Variants in ATPAF1 observed in about 807,000 individuals in gnomAD.
The protein encoded by ATPAF1 is homolog of yeast ATP11.
In ATPAF1, 26 loss-of-function variants were observed where a neutral mutation model predicts 43.9. That is an observed-to-expected ratio of 0.59 (90% CI 0.43 to 0.82). The LOEUF (loss-of-function observed/expected upper bound fraction) is 0.82, where lower values mean the gene tolerates loss of function less well. Among genes scored for constraint, ATPAF1 ranks in the 40% least tolerant of loss-of-function variants. ATPAF1 has a pLI of 0.00. For synonymous variants in ATPAF1, 157 were observed against 168.0 expected (o/e 0.93, Z 0.50); for missense variants, 366 against 435.0 (o/e 0.84, Z 1.41).
At chr1:46,633,876 T>C (rs1037897639), downstream of ATPAF1, 1 of 454,088 alleles carries the variant, frequency 2.2e-6, no homozygotes, top group South Asian at 1.6e-5. Flanking sequence ...AACAACCCCA[T>C]CTGATGTCAA....
At chr1:46,668,425 A>G (rs996748225), upstream of ATPAF1, 3 of 1,107,764 alleles carry the variant, frequency 2.7e-6, no homozygotes, top group African/African-American at 5.1e-5. The surrounding 1 kb of genome is among the most constrained non-coding windows in gnomAD (Gnocchi z 4.4). Context: ...GCGCTCCGGC[A>G]CCGAGGTTCC....
intron 6 of ATPAF1, among the ~76,000 whole-genome samples, chr1:46,646,689 AG>A (rs1676050822): frequency 1.3e-5 from 2 of 152,170 alleles, no homozygotes; most frequent in Non-Finnish European, 2.9e-5. Flanking sequence ...TTTTTTTTAC[AG>A]CTTTATTGAG....
At chr1:46,654,558 A>ATTC (rs1314225547) in intron 4 of ATPAF1, among the ~76,000 whole-genome samples, 1 of 146,002 alleles carries the variant, frequency 6.8e-6, no homozygotes, top group South Asian at 2.2e-4. Flanking sequence ...TATTATTATT[A>ATTC]TTGTACTTTA....
chr1:46,653,804 C>A lies in ATPAF1; in HGVS notation c.540+13G>T, dbSNP rs1347434869. 1 of 1,604,048 alleles carries A rather than the reference C, an allele frequency of 6.2e-7. No individual in the cohort carries two copies. The highest frequency in any genetic ancestry group is 1.1e-5 in the South Asian group (1 of 88,694). On this transcript the variant is annotated intron_variant, in intron 5 of 8. Coordinates refer to ENST00000574428, the Ensembl canonical transcript of ATPAF1. This position sits in a 1 kb window ranked among gnomAD's most constrained non-coding sequence, Gnocchi z 4.8. Reference sequence around the variant, plus strand: ...TGTTGTAACACTTTCACTTTGCCCTCCAAACTACTTACAGGAATAACTGCG... The same window carrying A: ...TGTTGTAACACTTTCACTTTGCCCTACAAACTACTTACAGGAATAACTGCG...
intron 1 of ATPAF1, chr1:46,665,669 A>G (rs1321071705): frequency 6.5e-7 from 1 of 1,535,588 alleles, no homozygotes; most frequent in Non-Finnish European, 8.7e-7. Flanking sequence ...TAGAATTTTG[A>G]GGTCATCTTG....
intron 6 of ATPAF1, among the ~76,000 whole-genome samples, chr1:46,647,000 T>C (rs748981829): frequency 6.6e-6 from 1 of 152,226 alleles, no homozygotes; most frequent in Admixed American, 6.5e-5. Flanking sequence ...TCATGATCTA[T>C]CCATGTGTAG....
chr1:46,635,667 A>C, exon 9 of ATPAF1: 6 of 1,120,426 alleles, frequency 5.4e-6, no homozygotes. Context: ...AGGGCAACTC[A>C]TTACCAACTG....
At chr1:46,645,212 T>C (rs1676020078) in exon 7 of ATPAF1, 1 of 1,613,990 alleles carries the variant, frequency 6.2e-7, no homozygotes, top group African/African-American at 1.3e-5. Context: ...TCCATTGTCC[T>C]ACAAAAAACT....
chr1:46,654,527 A>T (rs867252024), intron 4 of ATPAF1, among the ~76,000 whole-genome samples: 2 of 85,190 alleles, frequency 2.3e-5, no homozygotes, highest in African/African-American at 8.0e-5. Context: ...TTATTTATTT[A>T]TTTATTATTA....
At chr1:46,644,717 T>G (rs891455647) in intron 7 of ATPAF1, among the ~76,000 whole-genome samples, 1 of 117,184 alleles carries the variant, frequency 8.5e-6, no homozygotes, top group African/African-American at 3.2e-5. Context: ...AATAAAGAAA[T>G]AAAGGAAGAA....
chr1:46,665,042 G>GTACC, intron 2 of ATPAF1: 1 of 538,656 alleles, frequency 1.9e-6, no homozygotes, highest in Non-Finnish European at 3.3e-6. Flanking sequence ...GGAGCAGGAA[G>GTACC]TACCCCTCTC....
At chr1:46,659,586 C>A (rs910913799) in intron 2 of ATPAF1, among the ~76,000 whole-genome samples, 109 of 152,264 alleles carry the variant, frequency 7.2e-4, no homozygotes, top group Non-Finnish European at 8.4e-4. Flanking sequence ...AGGCCACCAA[C>A]AACTGAAAGT....
intron 6 of ATPAF1, among the ~76,000 whole-genome samples, chr1:46,651,942 C>G (rs1358433592): frequency 6.6e-6 from 1 of 152,176 alleles, no homozygotes; most frequent in Non-Finnish European, 1.5e-5. Context: ...TGCTCACCAT[C>G]ACTGGCCATC....
chr1:46,635,947 G>A (rs61783140), exon 9 of ATPAF1: 1 of 1,614,226 alleles, frequency 6.2e-7, no homozygotes, highest in Non-Finnish European at 8.5e-7. Flanking sequence ...CTTGGTTGGC[G>A]ATGCACTGTG....
chr1:46,658,144 C>T lies in ATPAF1; in HGVS notation c.472G>A (p.Ala158Thr). 6.2e-7 allele frequency: 1 copy of T among 1,611,628 alleles called. No individual in the cohort carries two copies. The highest frequency in any genetic ancestry group is 1.1e-5 in the South Asian group (1 of 90,426). The change falls in exon 4 of 9, where the codon GCA (alanine) becomes ACA (threonine). Residue 158 changes from alanine (A) to threonine (T), a missense_variant. By Grantham distance (58) the Ala-to-Thr change is moderately conservative. Around this residue, in one of 2 missense-constraint regions of ATPAF1, gnomAD observed 180 missense variants for 266.5 expected, o/e 0.68. Coordinates refer to ENST00000574428, the Ensembl canonical transcript of ATPAF1. Reference sequence around the variant, plus strand: ...TTCATTACCTGTTTTATTTCTTCTGCAGTTTTTTCTTTTACCATCTCAATG... The same window carrying T: ...TTCATTACCTGTTTTATTTCTTCTGTAGTTTTTTCTTTTACCATCTCAATG...
intron 1 of ATPAF1, 117 bp downstream of exon 1, chr1:46,667,940 C>T (rs1445219754): frequency 8.6e-6 from 7 of 818,106 alleles, no homozygotes; most frequent in Non-Finnish European, 1.1e-5. Flanking sequence ...CTGGCTACAT[C>T]ATCTGAAGAG....
At chr1:46,645,947 G>A (rs970548879) in intron 6 of ATPAF1, among the ~76,000 whole-genome samples, 7 of 152,178 alleles carry the variant, frequency 4.6e-5, no homozygotes, top group African/African-American at 1.7e-4. Flanking sequence ...GGCCAAGGTC[G>A]GAGGATCACT....
At chr1:46,645,459 T>C (rs1055348509) in intron 6 of ATPAF1, among the ~76,000 whole-genome samples, 1 of 151,962 alleles carries the variant, frequency 6.6e-6, no homozygotes, top group African/African-American at 2.4e-5. Context: ...TCTGCTGGGC[T>C]CAGGTGATCT....
At chr1:46,667,841 C>T (rs763632415) in intron 1 of ATPAF1, among the ~76,000 whole-genome samples, 1 of 152,216 alleles carries the variant, frequency 6.6e-6, no homozygotes, top group Non-Finnish European at 1.5e-5. Flanking sequence ...AGCAGACAAA[C>T]GTGGAACGAG....
Sources: gnomAD v4.1 joint callset for allele counts (sites outside exome capture counted in the v4.1 genomes callset) on GRCh38, gnomAD v4.1.1 for gene constraint, gnomAD v4.1.1 regional missense constraint, Gnocchi (gnomAD v3.1) non-coding constraint, MANE v1.5 for transcripts, NCBI Gene and HGNC (gene_info 2026-07-23, HGNC 2026-07-21) for gene names.